The following SETD3 variants were observed in gnomAD, a reference collection of about 807,000 sequenced individuals.
SETD3 encodes actin-histidine N-methyltransferase.
Under a neutral mutation model 63.0 loss-of-function variants are expected in SETD3, and 19 were observed. The ratio of observed to expected loss-of-function variants is 0.30; its 90% CI spans 0.21 to 0.44. The LOEUF is 0.44. Among genes scored for constraint, SETD3 ranks in the 20% least tolerant of loss-of-function variants. The pLI, the probability that SETD3 is intolerant of heterozygous loss-of-function variation, is 1.00. For missense variants in SETD3, 587 were observed against 728.5 expected, an observed-to-expected ratio of 0.81 and a Z score of 2.24; for synonymous variants, 286 against 264.1, an observed-to-expected ratio of 1.08 and a Z score of -0.80.
intron 6 of SETD3, among the ~76,000 whole-genome samples, chr14:99,442,830 CCT>C (rs1351520106): frequency 2.0e-5 from 3 of 152,130 alleles, no homozygotes; most frequent in Admixed American, 1.3e-4. Flanking sequence ...ATCACTGCCC[CCT>C]GTGCTGTTCA....
At chr14:99,470,428 CAGAA>C (rs1248397119) in intron 1 of SETD3, among the ~76,000 whole-genome samples, 1 of 152,196 alleles carries the variant, frequency 6.6e-6, no homozygotes, top group African/African-American at 2.4e-5. Context: ...CTAGGTTAGG[CAGAA>C]AGAATCTTGT....
At chr14:99,454,705 T>C (rs770050875) in intron 6 of SETD3, among the ~76,000 whole-genome samples, 1 of 152,122 alleles carries the variant, frequency 6.6e-6, no homozygotes, top group Non-Finnish European at 1.5e-5. Flanking sequence ...GGCACTCCAT[T>C]AGCCCCCTTT....
At chr14:99,399,886 G>C (rs1307351206) in intron 12 of SETD3, among the ~76,000 whole-genome samples, 1 of 151,704 alleles carries the variant, frequency 6.6e-6, no homozygotes, top group African/African-American at 2.4e-5. Flanking sequence ...GAGTAGCTGG[G>C]ATTACAGACC....
chr14:99,468,810 G>C (rs779167248), intron 1 of SETD3, among the ~76,000 whole-genome samples: 24 of 152,000 alleles, frequency 1.6e-4, no homozygotes, highest in Non-Finnish European at 3.5e-4. Flanking sequence ...ATTATTGCTG[G>C]GCCCCACTGT....
chr14:99,411,635 A>G (rs939701400), intron 8 of SETD3: 5 of 152,236 alleles, frequency 3.3e-5, no homozygotes, highest in African/African-American at 1.2e-4. Context: ...CATTCAAAAA[A>G]AGAAGAAGAA....
chr14:99,423,587 G>GAAAAAAAAAAAAAAAAAAAAAAAAAAAA (rs1892704603), intron 6 of SETD3, among the ~76,000 whole-genome samples: 1 of 1,894 alleles, frequency 5.3e-4, no homozygotes, highest in Non-Finnish European at 1.8e-3. Context: ...GCACTGTTAT[G>GAAAAAAAAAAAAAAAAAAAAAAAAAAAA]CAAAAAAAAA....
At chr14:99,446,730 G>A (rs370367812) in intron 6 of SETD3, among the ~76,000 whole-genome samples, 37 of 152,256 alleles carry the variant, frequency 2.4e-4, no homozygotes, top group Non-Finnish European at 2.4e-4. Flanking sequence ...AGGAAGAGGA[G>A]GAAGGCCATG....
chr14:99,400,030 C>G, intron 12 of SETD3, 69 bp downstream of exon 12: 1 of 1,405,084 alleles, frequency 7.1e-7, no homozygotes, highest in Non-Finnish European at 9.6e-7. Flanking sequence ...CGTGAGCCAC[C>G]GCACCAAGCC....
chr14:99,437,088 C>T (rs1234912330), intron 6 of SETD3, among the ~76,000 whole-genome samples: 1 of 152,184 alleles, frequency 6.6e-6, no homozygotes, highest in East Asian at 1.9e-4. Context: ...AACTGAGGTC[C>T]TGAAACAGAC....
chr14:99,477,306 GT>G (rs2139825463), intron 1 of SETD3, among the ~76,000 whole-genome samples: 1 of 152,158 alleles, frequency 6.6e-6, no homozygotes, highest in African/African-American at 2.4e-5. Flanking sequence ...TTTTTATCTC[GT>G]TTTTACAGTC....
intron 8 of SETD3, among the ~76,000 whole-genome samples, chr14:99,406,833 A>G (rs1891707937): frequency 6.6e-6 from 1 of 152,232 alleles, no homozygotes; most frequent in South Asian, 2.1e-4. Flanking sequence ...TTAGATAAAG[A>G]GACTATATAG....
At chr14:99,442,086 G>A (rs553244815) in intron 6 of SETD3, among the ~76,000 whole-genome samples, 2 of 152,310 alleles carry the variant, frequency 1.3e-5, no homozygotes, top group South Asian at 4.1e-4. Flanking sequence ...AAGCGGCTGT[G>A]GAGGACACAG....
chr14:99,408,750 AGT>A (rs1275171029), intron 8 of SETD3, among the ~76,000 whole-genome samples: 1 of 152,182 alleles, frequency 6.6e-6, no homozygotes, highest in Non-Finnish European at 1.5e-5. Context: ...TTGGAGGCTG[AGT>A]GTCTAACTTC....
At chr14:99,478,626 A>C (rs1189335948) in intron 1 of SETD3, 1 of 152,208 alleles carries the variant, frequency 6.6e-6, no homozygotes, top group Non-Finnish European at 1.5e-5. Flanking sequence ...ATTTTTGCTC[A>C]TATTTTTACT....
intron 10 of SETD3, 21 bp from the exon 11 acceptor site, chr14:99,404,331 G>A (rs576895482): frequency 1.9e-6 from 3 of 1,609,522 alleles, no homozygotes; most frequent in Non-Finnish European, 2.6e-6. Flanking sequence ...CAGAAAGCAA[G>A]ATCAGTCACC....
intron 6 of SETD3, among the ~76,000 whole-genome samples, chr14:99,450,575 G>A (rs1894402378): frequency 6.6e-6 from 1 of 152,202 alleles, no homozygotes; most frequent in Non-Finnish European, 1.5e-5. Context: ...GTTCGAGGAA[G>A]ATGGCCAACT....
chr14:99,463,490 T>G lies in SETD3; in HGVS notation c.192A>C (p.Gln64His). ...RTLVEKIRKK[Q>H]KGLSVTFDGK... ...TTATCATTCTAGCAATTTTACCTTTTTGCTTTTTCCGTATTTTCTCAACCA... is the reference window on the plus strand; with the variant it reads ...TTATCATTCTAGCAATTTTACCTTTGTGCTTTTTCCGTATTTTCTCAACCA... Residue 64 changes from glutamine to histidine, a missense_variant, in exon 3 of 13, where the codon CAA becomes CAC. Coordinates refer to ENST00000331768, the MANE Select transcript of SETD3 (RefSeq NM_032233.3). The G allele has an allele frequency of 6.2e-7, 1 of 1,612,776 alleles. No individual in the cohort carries two copies. The highest frequency in any genetic ancestry group is 8.5e-7 in the Non-Finnish European group (1 of 1,179,154).
At chr14:99,457,630 G>A (rs1002372172) in intron 6 of SETD3, among the ~76,000 whole-genome samples, 2 of 152,208 alleles carry the variant, frequency 1.3e-5, no homozygotes, top group Non-Finnish European at 2.9e-5. Context: ...GCAGAATCAG[G>A]AGAAGGAGCC....
intron 6 of SETD3, among the ~76,000 whole-genome samples, chr14:99,438,142 G>A (rs1027854158): frequency 6.6e-6 from 1 of 152,202 alleles, no homozygotes; most frequent in Non-Finnish European, 1.5e-5. Flanking sequence ...AAACTCATTA[G>A]AGCTGGTCTT....
Sources: gnomAD v4.1 joint callset for allele counts (sites outside exome capture counted in the v4.1 genomes callset) on GRCh38, gnomAD v4.1.1 for gene constraint, MANE v1.5 for transcripts, NCBI Gene and HGNC (gene_info 2026-07-23, HGNC 2026-07-21) for gene names.